The following CDK6 variants were observed in gnomAD, a reference collection of about 807,000 sequenced individuals.
CDK6 encodes cyclin-dependent kinase 6.
In CDK6, 6 loss-of-function variants were observed where a neutral mutation model predicts 37.1. The ratio of observed to expected loss-of-function variants is 0.16; its 90% CI spans 0.09 to 0.32. The LOEUF (loss-of-function observed/expected upper bound fraction) is 0.32. CDK6 is among the 10% of genes least tolerant of loss of function. The pLI, the probability that CDK6 is intolerant of heterozygous loss-of-function variation, is 1.00. For synonymous variants in CDK6, 160 were observed against 161.3 expected, an observed-to-expected ratio of 0.99 and a Z score of 0.06; for missense variants, 224 against 418.9, an observed-to-expected ratio of 0.53 and a Z score of 4.06.
chr7:92,786,250 C>T (rs1800129421), intron 2 of CDK6, among the ~76,000 whole-genome samples: 1 of 152,172 alleles, frequency 6.6e-6, no homozygotes, highest in African/African-American at 2.4e-5. Context: ...AGAAGAAAGC[C>T]AACCAAGCTT....
intron 2 of CDK6, among the ~76,000 whole-genome samples, chr7:92,825,370 T>C (rs1436344519): frequency 1.3e-5 from 2 of 152,104 alleles, no homozygotes; most frequent in Non-Finnish European, 2.9e-5. Context: ...CCAGACATCA[T>C]GCTAAATGCT....
intron 5 of CDK6, among the ~76,000 whole-genome samples, chr7:92,624,403 G>A (rs1487149047): frequency 2.6e-5 from 4 of 152,042 alleles, no homozygotes; most frequent in Admixed American, 2.0e-4. Context: ...AGACATCAGG[G>A]GTGCACATGC....
At chr7:92,708,758 A>AACT (rs1455849865) in intron 4 of CDK6, among the ~76,000 whole-genome samples, 2 of 152,240 alleles carry the variant, frequency 1.3e-5, no homozygotes, top group African/African-American at 4.8e-5. Context: ...TGATTTATAC[A>AACT]ACTACTAGTG....
intron 2 of CDK6, among the ~76,000 whole-genome samples, chr7:92,784,080 GA>G (rs947956960): frequency 2.0e-4 from 30 of 146,604 alleles, no homozygotes; most frequent in East Asian, 1.2e-3. Flanking sequence ...GCTATTATGG[GA>G]AAAAAAAAAG....
intron 2 of CDK6, among the ~76,000 whole-genome samples, chr7:92,796,020 G>A (rs1800399800): frequency 6.7e-6 from 1 of 149,530 alleles, no homozygotes; most frequent in Non-Finnish European, 1.5e-5. Context: ...ATGGAAAGTT[G>A]TAAACACAGA....
At chr7:92,668,623 T>A (rs1450610800) in intron 5 of CDK6, among the ~76,000 whole-genome samples, 4 of 152,182 alleles carry the variant, frequency 2.6e-5, no homozygotes, top group Admixed American at 6.5e-5. Context: ...TAGGATTCCC[T>A]GATTTAGGAT....
chr7:92,620,463 T>C lies in CDK6; in HGVS notation c.699-2256A>G, dbSNP rs3731366. Among the ~76,000 whole-genome samples, 374 of 152,296 alleles carry C rather than the reference T, an allele frequency of 2.5e-3. 2 individuals carry two copies. Among genetic ancestry groups the C allele is most frequent in the African/African-American group, 8.8e-3 (364 of 41,558 alleles). On this transcript the variant is annotated intron_variant, in intron 6 of 7. Coordinates refer to ENST00000424848, the MANE Select transcript of CDK6 (RefSeq NM_001145306.2). Reference sequence around the variant, plus strand: ...TCACAGAGTCCAGAGTGAGTTCCGTTCTCTCTATTCCAATATTTTATTTCC... The same window carrying C: ...TCACAGAGTCCAGAGTGAGTTCCGTCCTCTCTATTCCAATATTTTATTTCC...
At chr7:92,779,161 T>A (rs895799279) in intron 2 of CDK6, among the ~76,000 whole-genome samples, 1 of 151,980 alleles carries the variant, frequency 6.6e-6, no homozygotes, top group Non-Finnish European at 1.5e-5. Flanking sequence ...AAAAATAACA[T>A]CTAACCCACC....
intron 3 of CDK6, among the ~76,000 whole-genome samples, chr7:92,738,805 C>A (rs778209786): frequency 1.3e-5 from 2 of 152,116 alleles, no homozygotes; most frequent in African/African-American, 4.8e-5. Context: ...TTTAGGGATA[C>A]CCCTGTCTAA....
chr7:92,784,987 T>C (rs780630345), intron 2 of CDK6, among the ~76,000 whole-genome samples: 48 of 152,194 alleles, frequency 3.2e-4, no homozygotes, highest in Non-Finnish European at 6.0e-4. Flanking sequence ...TACTAGTTAA[T>C]TAAAAAATCT....
chr7:92,692,263 C>CAAAAA (rs112991609), intron 4 of CDK6, among the ~76,000 whole-genome samples: 4 of 138,086 alleles, frequency 2.9e-5, no homozygotes, highest in African/African-American at 8.2e-5. Context: ...AACTCCGTCT[C>CAAAAA]AAAAAAGAAA....
At position 92,704,324 on chromosome 7, in the gene CDK6, G is replaced by C. The variant is rs189653244; in HGVS notation, c.537+21302C>G. ...CAAAACTTGAAGAAATTTTAAATAA[G>C]AGTATGGATCTAAATAAGAACTCAA... On this transcript the variant is annotated intron_variant, in intron 4 of 7. Coordinates refer to ENST00000424848, the MANE Select transcript of CDK6 (RefSeq NM_001145306.2). 1.6e-4 allele frequency among the ~76,000 whole-genome samples: 25 copies of C among 152,250 alleles called. No individual in the cohort carries two copies. In the East Asian group the frequency reaches 4.6e-3, roughly 28 times the overall value.
chr7:92,773,908 G>A (rs111549215), intron 3 of CDK6, among the ~76,000 whole-genome samples: 19 of 152,268 alleles, frequency 1.2e-4, no homozygotes, highest in African/African-American at 4.1e-4. Context: ...TAAGGCAGGA[G>A]TCTGTTTAAG....
rs142151449 is a variant in CDK6, at chr7:92,805,296, T to C, written c.233+27795A>G. Among the ~76,000 whole-genome samples, 63 of 152,308 alleles carry C rather than the reference T, an allele frequency of 4.1e-4. 1 individual carries two copies. The East Asian group carries it at 0.01, about 25-fold the overall frequency. On this transcript the variant is annotated intron_variant, in intron 2 of 7. Coordinates refer to ENST00000424848, the MANE Select transcript of CDK6 (RefSeq NM_001145306.2). ...AAAGAGATGCTGCTTTGGGGGTTAG[T>C]TGGTAAAAGCATCAGCTTGTGAGGT... is the stretch of plus-strand genomic sequence containing the variant.
chr7:92,804,303 T>TA (rs1800666838), intron 2 of CDK6, among the ~76,000 whole-genome samples: 1 of 152,164 alleles, frequency 6.6e-6, no homozygotes, highest in South Asian at 2.1e-4. Flanking sequence ...CCTGATTCCC[T>TA]AGCAGGGTCC....
intron 2 of CDK6, among the ~76,000 whole-genome samples, chr7:92,778,824 T>C (rs1302397104): frequency 1.3e-5 from 2 of 151,138 alleles, no homozygotes; most frequent in Admixed American, 6.6e-5. Flanking sequence ...ATATTTCCCA[T>C]TATAATTAAT....
At chr7:92,725,524 T>G (rs1041999060) in intron 4 of CDK6, 102 bp downstream of exon 4, 2 of 1,245,094 alleles carry the variant, frequency 1.6e-6, no homozygotes, top group Non-Finnish European at 1.1e-6. Context: ...ATCCACCAAC[T>G]AGTCATGGGC....
At chr7:92,621,854 T>C (rs1795811718) in intron 6 of CDK6, among the ~76,000 whole-genome samples, 2 of 152,194 alleles carry the variant, frequency 1.3e-5, no homozygotes, top group African/African-American at 2.4e-5. Context: ...TTAAAGCTAC[T>C]ATGTTCTGAC....
At chr7:92,649,388 G>A (rs905162493) in intron 5 of CDK6, among the ~76,000 whole-genome samples, 1 of 152,250 alleles carries the variant, frequency 6.6e-6, no homozygotes, top group South Asian at 2.1e-4. Flanking sequence ...GGACAGAAGG[G>A]CCTAACAGGT....
Sources: allele counts gnomAD v4.1 joint callset (sites outside exome capture counted in the v4.1 genomes callset), GRCh38; gene constraint gnomAD v4.1.1; transcripts MANE v1.5; gene names NCBI Gene and HGNC (gene_info 2026-07-23, HGNC 2026-07-21).